The following SLC12A6 variants were observed in gnomAD, a reference collection of about 807,000 sequenced individuals.
The protein encoded by SLC12A6 is solute carrier family 12 member 6.
In SLC12A6, 66 loss-of-function variants were observed where a neutral mutation model predicts 135.3. That is an observed-to-expected ratio of 0.49 (90% CI 0.40 to 0.60). SLC12A6 has a LOEUF of 0.60. Ranked by LOEUF, SLC12A6 falls within the 20% of genes least tolerant of loss-of-function variation. The pLI, the probability that SLC12A6 is intolerant of heterozygous loss-of-function variation, is 0.00. For synonymous variants in SLC12A6, 513 were observed against 508.8 expected (o/e 1.01, Z -0.11); for missense variants, 1,058 against 1,452.3 (o/e 0.73, Z 4.41).
chr15:34,245,445 C>A, intron 14 of SLC12A6, 42 bp from the exon 15 acceptor site: 1 of 1,149,386 alleles, frequency 8.7e-7, no homozygotes, highest in South Asian at 1.2e-5. Context: ...AGTACTGAGT[C>A]ATTGCTCTCT....
intron 2 of SLC12A6, among the ~76,000 whole-genome samples, chr15:34,304,845 G>C (rs1305471929): frequency 6.6e-6 from 1 of 152,144 alleles, no homozygotes; most frequent in Non-Finnish European, 1.5e-5. Context: ...CAAAGAGTCT[G>C]TCATTTTCCA....
At chr15:34,289,914 T>C (rs927905282) in intron 2 of SLC12A6, among the ~76,000 whole-genome samples, 1 of 152,324 alleles carries the variant, frequency 6.6e-6, no homozygotes, top group Admixed American at 6.5e-5. Flanking sequence ...TGTTGATCTT[T>C]TCAAAAAACC....
chr15:34,244,127 G>T (rs1481280393), intron 15 of SLC12A6, 55 bp from the exon 16 acceptor site: 1 of 1,000,174 alleles, frequency 1.0e-6, no homozygotes, highest in Non-Finnish European at 1.6e-6. Context: ...TTCTTTGAAG[G>T]TTAAGTAACT....
chr15:34,322,691 T>G (rs1889181273), intron 2 of SLC12A6, among the ~76,000 whole-genome samples: 1 of 151,450 alleles, frequency 6.6e-6, no homozygotes. Flanking sequence ...AAAATTTTCA[T>G]AATAGGCTGG....
At chr15:34,240,600 T>A (rs540959651) in intron 19 of SLC12A6, 61 bp downstream of exon 19, 1 of 1,397,266 alleles carries the variant, frequency 7.2e-7, no homozygotes, top group Admixed American at 1.7e-5. Flanking sequence ...TTTGAGGTCT[T>A]ACTACTTAAC....
Position 34,336,414 on chromosome 15 carries a change from G to A in SLC12A6, c.267C>T (p.Ile89=). 6.2e-7 allele frequency: 1 copy of A among 1,613,210 alleles called. No homozygotes were observed. Among genetic ancestry groups the A allele is most frequent in the Non-Finnish European group, 8.5e-7 (1 of 1,179,178 alleles). Residue 89 remains isoleucine, a synonymous_variant, in exon 2 of 26, where the codon ATC becomes ATT. Coordinates refer to ENST00000354181, the MANE Select transcript of SLC12A6 (RefSeq NM_001365088.1). ...SDRTSHPQDV[I]EDLSQNSITG... ...GCGGTCTGTGTTTCTACTTACCCTC[G>A]ATGACATCCTGGGGGTGAGAAGTCC...
At chr15:34,311,697 A>T (rs1287473358) in intron 2 of SLC12A6, among the ~76,000 whole-genome samples, 1 of 152,192 alleles carries the variant, frequency 6.6e-6, no homozygotes, top group Admixed American at 6.5e-5. Context: ...ACTATCCCAC[A>T]GAGTGGAGAA....
In SLC12A6 at chr15:34,245,685, T is replaced by C; in HGVS notation, c.1824+8A>G. ...AAAAAGAAGAGGGCATAATAAAAGG[T>C]CACTCACCCTCAGAAACGGTATGAT... On this transcript the variant is annotated splice_region_variant and intron_variant, in intron 14 of 25. Transcript: ENST00000354181. 6.2e-7 allele frequency: 1 copy of C among 1,608,968 alleles called. No individual in the cohort carries two copies. The highest frequency in any genetic ancestry group is 8.5e-7 in the Non-Finnish European group (1 of 1,175,422).
intron 2 of SLC12A6, among the ~76,000 whole-genome samples, chr15:34,333,905 T>C (rs1336902415): frequency 6.6e-6 from 1 of 151,886 alleles, no homozygotes; most frequent in Non-Finnish European, 1.5e-5. Flanking sequence ...ACCCCATCTC[T>C]ACTAAATACA....
intron 2 of SLC12A6, among the ~76,000 whole-genome samples, chr15:34,317,095 A>G (rs1447738356): frequency 6.6e-6 from 1 of 152,252 alleles, no homozygotes; most frequent in Admixed American, 6.5e-5. Context: ...GTTGAGTTGT[A>G]GAGAATCATA....
At chr15:34,272,646 C>T (rs1199201028) in intron 3 of SLC12A6, among the ~76,000 whole-genome samples, 1 of 152,186 alleles carries the variant, frequency 6.6e-6, no homozygotes, top group African/African-American at 2.4e-5. Flanking sequence ...AGTCTCTTTG[C>T]AAATACTATT....
At position 34,337,563 on chromosome 15, in the gene SLC12A6, C is replaced by G. The variant is rs1890280635; in HGVS notation, c.-304G>C. 6.6e-6 allele frequency: 1 copy of G among 152,462 alleles called. No individual in the cohort carries two copies. The highest frequency in any genetic ancestry group is 2.4e-5 in the African/African-American group (1 of 41,462). The allele number at this position is 152,462 out of a possible 1,614,324, so 9.4% of individuals were successfully genotyped here. Reference sequence around the variant, plus strand: ...TAGGTTTCTCCTGCGTGTGACAGGACGAGCCACCCCCTTTGCCGGAGGCGC... The same window carrying G: ...TAGGTTTCTCCTGCGTGTGACAGGAGGAGCCACCCCCTTTGCCGGAGGCGC... On this transcript the variant is annotated 5_prime_UTR_variant, in exon 1 of 26. Coordinates refer to ENST00000354181, the MANE Select transcript of SLC12A6 (RefSeq NM_001365088.1).
chr15:34,318,409 G>C (rs1281247220), intron 2 of SLC12A6: 2 of 716,454 alleles, frequency 2.8e-6, no homozygotes, highest in Non-Finnish European at 5.1e-6. Context: ...GAAGCTATCA[G>C]ATACACAGGG....
intron 2 of SLC12A6, among the ~76,000 whole-genome samples, chr15:34,331,557 TG>T (rs2141187196): frequency 6.6e-6 from 1 of 152,218 alleles, no homozygotes; most frequent in East Asian, 2.0e-4. Context: ...ATTTGTCTCT[TG>T]TTTTTAAGTC....
At chr15:34,302,604 A>C (rs1896330265) in intron 2 of SLC12A6, among the ~76,000 whole-genome samples, 1 of 152,184 alleles carries the variant, frequency 6.6e-6, no homozygotes, top group Non-Finnish European at 1.5e-5. Context: ...CTGAGGTAAA[A>C]GAATTGCTTG....
intron 2 of SLC12A6, among the ~76,000 whole-genome samples, chr15:34,292,753 C>T (rs1895627123): frequency 6.6e-6 from 1 of 152,174 alleles, no homozygotes; most frequent in Non-Finnish European, 1.5e-5. Flanking sequence ...GCTCCCACGT[C>T]CCAGGTCAAT....
intron 13 of SLC12A6, among the ~76,000 whole-genome samples, chr15:34,247,745 C>T (rs1343843163): frequency 6.6e-6 from 1 of 151,454 alleles, no homozygotes; most frequent in Non-Finnish European, 1.5e-5. Flanking sequence ...TGCTTTGTCA[C>T]CCAGGCTGGA....
At position 34,259,594 on chromosome 15, in the gene SLC12A6, G is replaced by A. The variant is rs370564650; in HGVS notation, c.412-650C>T. On this transcript the variant is annotated intron_variant, in intron 4 of 25. Transcript: ENST00000354181. ...GAGCCCAGGAGGTCAAGCTGTGATC[G>A]TGCCACTGCACTCCAGCCTGGGTGA... 2.2e-4 allele frequency among the ~76,000 whole-genome samples: 34 copies of A among 152,248 alleles called. 1 individual carries two copies. In the South Asian group the frequency reaches 6.4e-3, roughly 29 times the overall value.
chr15:34,320,227 A>G (rs1276848724), intron 2 of SLC12A6, among the ~76,000 whole-genome samples: 4 of 152,252 alleles, frequency 2.6e-5, no homozygotes, highest in African/African-American at 9.6e-5. Flanking sequence ...CACAACAGCC[A>G]AAATATGGAA....
Sources: gnomAD v4.1 joint callset for allele counts (sites outside exome capture counted in the v4.1 genomes callset) on GRCh38, gnomAD v4.1.1 for gene constraint, MANE v1.5 for transcripts, NCBI Gene and HGNC (gene_info 2026-07-23, HGNC 2026-07-21) for gene names.